ZNF512: variants seen among roughly 807,000 people sequenced by gnomAD.
ZNF512 encodes zinc finger protein 512.
A neutral mutation model predicts 77.5 loss-of-function variants in ZNF512; 25 were observed. The ratio of observed to expected loss-of-function variants is 0.32; its 90% CI spans 0.23 to 0.45. The LOEUF (loss-of-function observed/expected upper bound fraction) is 0.45. Ranked by LOEUF, ZNF512 falls within the 20% of genes least tolerant of loss-of-function variation. ZNF512 has a pLI of 1.00. For synonymous variants in ZNF512, 246 were observed against 239.9 expected (o/e 1.03, Z -0.24); for missense variants, 483 against 692.6 (o/e 0.70, Z 3.40).
At position 27,622,921 on chromosome 2, in the gene ZNF512, CAAGTT is replaced by C; in HGVS notation, c.*1464_*1468del. The C allele has an allele frequency of 6.5e-6, 1 of 152,852 alleles. No homozygotes were observed. The highest frequency in any genetic ancestry group is 2.1e-4 in the South Asian group (1 of 4,818). 9.5% of individuals were successfully genotyped at this position (152,852 alleles called of 1,614,324 possible). Reference sequence around the variant, plus strand: ...ACTGCCAGAATAGGTAGTTTTGAAACAAGTTAAGGACATGGTATATGCACTCTGCA... The same window carrying C: ...ACTGCCAGAATAGGTAGTTTTGAAACAAGGACATGGTATATGCACTCTGCA... On this transcript the variant is annotated 3_prime_UTR_variant, in exon 14 of 14. Coordinates refer to ENST00000355467, the MANE Select transcript of ZNF512 (RefSeq NM_032434.4).
chr2:27,594,155 G>A (rs1016607275), intron 2 of ZNF512, among the ~76,000 whole-genome samples: 4 of 151,888 alleles, frequency 2.6e-5, no homozygotes, highest in South Asian at 4.2e-4. Flanking sequence ...TGGCGGCCGG[G>A]CAGAGGCGCT....
intron 13 of ZNF512, among the ~76,000 whole-genome samples, chr2:27,620,908 AAC>A (rs1448118128): frequency 6.6e-6 from 1 of 152,186 alleles, no homozygotes; most frequent in Non-Finnish European, 1.5e-5. Flanking sequence ...ATGCTAAGTA[AAC>A]AGACTTTGTA....
intron 2 of ZNF512, among the ~76,000 whole-genome samples, 194 bp downstream of exon 2, chr2:27,583,910 G>A (rs1158836410): frequency 6.7e-6 from 1 of 149,136 alleles, no homozygotes; most frequent in Non-Finnish European, 1.5e-5. Flanking sequence ...TGCCAAGTGA[G>A]TGAGGTTTTT....
chr2:27,616,475 T>C, intron 12 of ZNF512, 151 bp downstream of exon 12: 1 of 621,276 alleles, frequency 1.6e-6, no homozygotes, highest in Non-Finnish European at 2.8e-6. Flanking sequence ...ATTCTTGGTC[T>C]GGTATTGGGT....
At chr2:27,612,337 C>G (rs887014445) in intron 10 of ZNF512, among the ~76,000 whole-genome samples, 8 of 152,050 alleles carry the variant, frequency 5.3e-5, no homozygotes, top group Non-Finnish European at 1.0e-4. Flanking sequence ...TGGAATCAAC[C>G]ATTTCTCTAA....
intron 10 of ZNF512, among the ~76,000 whole-genome samples, chr2:27,612,469 A>G (rs1016283768): frequency 3.3e-5 from 5 of 152,044 alleles, no homozygotes; most frequent in Admixed American, 6.5e-5. Context: ...AAAGGCATGT[A>G]TAGTCATACA....
Position 27,621,515 on chromosome 2 carries a change from G to C in ZNF512, c.*54G>C, listed in dbSNP as rs1038514151. 5.9e-6 allele frequency: 9 copies of C among 1,527,520 alleles called. No individual in the cohort carries two copies. The South Asian group carries it at 8.8e-5, about 15-fold the overall frequency. 94.6% of individuals were successfully genotyped at this position (1,527,520 alleles called of 1,614,324 possible). On this transcript the variant is annotated 3_prime_UTR_variant, in exon 14 of 14. Transcript: ENST00000355467. Reference sequence around the variant, plus strand: ...AGCAGATGTGATGCTGTTGTCACGGGGACCTGTGCTGGGAGGACTGAGTGA... The same window carrying C: ...AGCAGATGTGATGCTGTTGTCACGGCGACCTGTGCTGGGAGGACTGAGTGA...
At chr2:27,603,420 C>G in intron 9 of ZNF512, 113 bp downstream of exon 9, 1 of 1,131,792 alleles carries the variant, frequency 8.8e-7, no homozygotes, top group Non-Finnish European at 1.2e-6. Context: ...CTTTTAATCT[C>G]TGAATGCTTG....
intron 11 of ZNF512, 64 bp from the exon 12 acceptor site, chr2:27,616,198 G>T: frequency 7.8e-7 from 1 of 1,277,704 alleles, no homozygotes; most frequent in Non-Finnish European, 1.1e-6. Flanking sequence ...AGTGTAAATG[G>T]CCAGATTGTT....
At chr2:27,607,756 T>G in intron 9 of ZNF512, 89 bp from the exon 10 acceptor site, 1 of 1,223,142 alleles carries the variant, frequency 8.2e-7, no homozygotes, top group Non-Finnish European at 1.2e-6. Flanking sequence ...GCTCTTTTGA[T>G]ATTTAGAGCA....
intron 10 of ZNF512, among the ~76,000 whole-genome samples, chr2:27,613,653 T>C (rs1460597285): frequency 6.6e-6 from 1 of 152,092 alleles, no homozygotes; most frequent in African/African-American, 2.4e-5. Context: ...TCTGTATAGA[T>C]GGGTTTTGTG....
intron 2 of ZNF512, among the ~76,000 whole-genome samples, chr2:27,592,679 T>G (rs1328465225): frequency 2.4e-5 from 2 of 84,550 alleles, no homozygotes; most frequent in Non-Finnish European, 5.1e-5. Context: ...TTTTTTTTTT[T>G]TTTTTTTTTT....
At chr2:27,583,292 CT>C in intron 1 of ZNF512, 150 bp downstream of exon 1, 1 of 1,345,978 alleles carries the variant, frequency 7.4e-7, no homozygotes. Context: ...GTCCCTTTTT[CT>C]TTACCCACGT....
At chr2:27,604,083 C>G (rs184718361) in intron 9 of ZNF512, among the ~76,000 whole-genome samples, 1 of 151,974 alleles carries the variant, frequency 6.6e-6, no homozygotes. Context: ...CGTGCCACCA[C>G]GCCCAGCTAA....
chr2:27,600,418 GA>G (rs1026985764), intron 5 of ZNF512, among the ~76,000 whole-genome samples: 10 of 152,186 alleles, frequency 6.6e-5, no homozygotes, highest in African/African-American at 1.4e-4. Flanking sequence ...ATCCTGTGGT[GA>G]AAAATGTTGC....
chr2:27,597,360 T>C (rs1189508165), intron 2 of ZNF512, among the ~76,000 whole-genome samples: 8 of 152,210 alleles, frequency 5.3e-5, no homozygotes, highest in Non-Finnish European at 7.3e-5. Flanking sequence ...TAGGAGTCCA[T>C]TGACCACTCT....
At chr2:27,584,754 A>G (rs1327446335) in intron 2 of ZNF512, among the ~76,000 whole-genome samples, 1 of 152,214 alleles carries the variant, frequency 6.6e-6, no homozygotes, top group East Asian at 1.9e-4. Context: ...GAACGTGTGG[A>G]AAGAGTTAAT....
chr2:27,613,926 A>G (rs892446081), intron 10 of ZNF512, among the ~76,000 whole-genome samples: 1 of 152,092 alleles, frequency 6.6e-6, no homozygotes, highest in Non-Finnish European at 1.5e-5. Flanking sequence ...TATATGATAC[A>G]TTTATAATTA....
At chr2:27,583,560 G>C in intron 1 of ZNF512, 98 bp from the exon 2 acceptor site, 2 of 1,544,878 alleles carry the variant, frequency 1.3e-6, no homozygotes, top group Non-Finnish European at 1.7e-6. Flanking sequence ...TGGTTTCCCC[G>C]GGAGAACTTC....
Sources: gnomAD v4.1 joint callset for allele counts (sites outside exome capture counted in the v4.1 genomes callset) on GRCh38, gnomAD v4.1.1 for gene constraint, MANE v1.5 for transcripts, NCBI Gene and HGNC (gene_info 2026-07-23, HGNC 2026-07-21) for gene names.